DNAAF5: variants seen among roughly 807,000 people sequenced by gnomAD.
The protein encoded by DNAAF5 is HEAT repeat containing 2.
Under a neutral mutation model 75.8 loss-of-function variants are expected in DNAAF5, and 64 were observed. That is an observed-to-expected ratio of 0.84 (90% CI 0.69 to 1.04). The LOEUF (loss-of-function observed/expected upper bound fraction) is 1.04, where lower values mean the gene tolerates loss of function less well. Ranked by LOEUF, DNAAF5 falls within the 50% of genes least tolerant of loss-of-function variation. The pLI, the probability that DNAAF5 is intolerant of heterozygous loss-of-function variation, is 0.00. For missense variants in DNAAF5, 1,269 were observed against 1,178.5 expected, an observed-to-expected ratio of 1.08 and a Z score of -1.12; for synonymous variants, 657 against 557.2, an observed-to-expected ratio of 1.18 and a Z score of -2.52.
At chr7:755,010 C>T (rs1015238682) in intron 5 of DNAAF5, among the ~76,000 whole-genome samples, 189 bp downstream of exon 5, 16 of 152,206 alleles carry the variant, frequency 1.1e-4, no homozygotes, top group Non-Finnish European at 1.5e-5. Flanking sequence ...TAGGTAACAG[C>T]GTGTTGAGGG....
intron 8 of DNAAF5, among the ~76,000 whole-genome samples, chr7:764,999 T>C (rs931876097): frequency 6.6e-6 from 1 of 152,196 alleles, no homozygotes; most frequent in Non-Finnish European, 1.5e-5. Context: ...TGTGCGCCTG[T>C]GGCCCCAGCT....
Position 763,796 on chromosome 7 carries a change from T to C in DNAAF5, c.1615-10T>C. 4 of 1,612,878 alleles carry C rather than the reference T, an allele frequency of 2.5e-6. No individual in the cohort carries two copies. The highest frequency in any genetic ancestry group is 3.4e-6 in the Non-Finnish European group (4 of 1,179,846). ...TGGAATTGTCTCAGTCTCTGACTTG[T>C]AACCTCCAGGCACAGGAGACGATGG... is the stretch of plus-strand genomic sequence containing the variant. On this transcript the variant is annotated splice_polypyrimidine_tract_variant and intron_variant, in intron 7 of 12. Transcript: ENST00000297440.
In DNAAF5 at chr7:727,065, G is replaced by C; in HGVS notation, c.345G>C (p.Pro115=). 5 of 1,057,258 alleles carry C rather than the reference G, an allele frequency of 4.7e-6. No homozygotes were observed. The highest frequency in any genetic ancestry group is 5.7e-6 in the Non-Finnish European group (5 of 878,936). 65.5% of individuals were successfully genotyped at this position (1,057,258 alleles called of 1,614,324 possible). ...CCGCGCGGCCCCGCGATGCCCTGCC[G>C]CGCCTGCTGCCCGCGCTCGCCGCGC... ...RRAARPRDAL[P]RLLPALAARL... The change falls in exon 1 of 13, where the codon CCG becomes CCC. Residue 115 remains proline, a synonymous_variant. Coordinates refer to ENST00000297440, the MANE Select transcript of DNAAF5 (RefSeq NM_017802.4).
chr7:748,294 G>C (rs1782181800), intron 4 of DNAAF5, among the ~76,000 whole-genome samples: 1 of 149,206 alleles, frequency 6.7e-6, no homozygotes, highest in Non-Finnish European at 1.5e-5. Flanking sequence ...GGTGTTGGTG[G>C]GGTTTGCTGG....
At chr7:748,666 G>A (rs1003433749) in intron 4 of DNAAF5, among the ~76,000 whole-genome samples, 1 of 151,926 alleles carries the variant, frequency 6.6e-6, no homozygotes, top group African/African-American at 2.4e-5. Context: ...CCTTCTCCTC[G>A]GTGGACTCGG....
At position 735,001 on chromosome 7, in the gene DNAAF5, T is replaced by C. The variant is rs1184531762; in HGVS notation, c.780+5154T>C. Among the ~76,000 whole-genome samples, 3 of 152,124 alleles carry C rather than the reference T, an allele frequency of 2.0e-5. No individual in the cohort carries two copies. The East Asian group carries it at 5.8e-4, about 29-fold the overall frequency. Reference sequence around the variant, plus strand: ...GCTCACAGTGTCGCTGCTCACGATGTCATTGCTCACGGTGTAGTTCATGGT... The same window carrying C: ...GCTCACAGTGTCGCTGCTCACGATGCCATTGCTCACGGTGTAGTTCATGGT... On this transcript the variant is annotated intron_variant, in intron 2 of 12. Coordinates refer to ENST00000297440, the MANE Select transcript of DNAAF5 (RefSeq NM_017802.4).
chr7:749,470 A>T (rs1782221466), intron 4 of DNAAF5, among the ~76,000 whole-genome samples: 1 of 152,176 alleles, frequency 6.6e-6, no homozygotes, highest in African/African-American at 2.4e-5. Flanking sequence ...CTGCCACGTG[A>T]CAGCCTTCCC....
intron 2 of DNAAF5, among the ~76,000 whole-genome samples, chr7:733,005 CA>C (rs1781632881): frequency 6.6e-6 from 1 of 152,190 alleles, no homozygotes; most frequent in African/African-American, 2.4e-5. Context: ...TATGGAGTTC[CA>C]GTTTTCCCAG....
chr7:785,283 C>A (rs4236275), intron 12 of DNAAF5, among the ~76,000 whole-genome samples: 2 of 148,548 alleles, frequency 1.3e-5, no homozygotes, highest in Admixed American at 1.3e-4. Context: ...TCACTCGTAT[C>A]CACATTGTGA....
chr7:755,902 A>T (rs1782465109), intron 5 of DNAAF5, among the ~76,000 whole-genome samples: 1 of 152,232 alleles, frequency 6.6e-6, no homozygotes, highest in African/African-American at 2.4e-5. Flanking sequence ...TGAGGCTGAG[A>T]GGACGAGAGA....
intron 5 of DNAAF5, among the ~76,000 whole-genome samples, chr7:755,577 C>A (rs1782454572): frequency 6.6e-6 from 1 of 152,190 alleles, no homozygotes; most frequent in Non-Finnish European, 1.5e-5. Context: ...GTCCAGGTCA[C>A]TGTTACTAGC....
At chr7:770,873 G>T (rs750053682) in intron 9 of DNAAF5, 2 of 430,484 alleles carry the variant, frequency 4.6e-6, no homozygotes, top group Non-Finnish European at 8.6e-6. Context: ...TCTGGGTGAG[G>T]GTTCCCCACA....
chr7:736,872 C>A (rs1044273439), intron 2 of DNAAF5, among the ~76,000 whole-genome samples: 1 of 151,618 alleles, frequency 6.6e-6, no homozygotes, highest in Non-Finnish European at 1.5e-5. Flanking sequence ...TCTGTTGTGG[C>A]GTTTTTTATT....
At chr7:762,010 AC>A in intron 7 of DNAAF5, 114 bp downstream of exon 7, 3 of 72,936 alleles carry the variant, frequency 4.1e-5, no homozygotes, top group Non-Finnish European at 6.3e-5. Context: ...ACCAGCAAAG[AC>A]CAGGGATTGA....
At chr7:749,793 T>G (rs896104843) in intron 4 of DNAAF5, among the ~76,000 whole-genome samples, 1 of 152,094 alleles carries the variant, frequency 6.6e-6, no homozygotes, top group Admixed American at 6.5e-5. Flanking sequence ...CCTCCCAGAT[T>G]CAGGCAACTA....
Position 785,497 on chromosome 7 carries a change from G to A in DNAAF5, c.2432-20G>A, listed in dbSNP as rs780308709. The A allele has an allele frequency of 1.9e-6, 3 of 1,611,024 alleles. No individual in the cohort carries two copies. Among genetic ancestry groups the A allele is most frequent in the Non-Finnish European group, 2.5e-6 (3 of 1,177,648 alleles). ...TCATGTTTGTTTCTGGCATGTTCAA[G>A]GTGTTTTTCTGTTTTACAGAGGTCC... On this transcript the variant is annotated intron_variant, in intron 12 of 12. Transcript: ENST00000297440.
At chr7:761,387 C>T (rs1194436497) in intron 6 of DNAAF5, among the ~76,000 whole-genome samples, 1 of 152,188 alleles carries the variant, frequency 6.6e-6, no homozygotes, top group African/African-American at 2.4e-5. Flanking sequence ...TCTCATGTCG[C>T]TAATAAAGAT....
chr7:773,958 C>A, intron 9 of DNAAF5, 90 bp from the exon 10 acceptor site: 1 of 1,460,280 alleles, frequency 6.8e-7, no homozygotes. Flanking sequence ...CTGTTTGGCT[C>A]CCCCCTCAGC....
intron 4 of DNAAF5, among the ~76,000 whole-genome samples, chr7:752,395 C>T (rs1255253495): frequency 6.8e-6 from 1 of 147,768 alleles, no homozygotes; most frequent in East Asian, 2.0e-4. Flanking sequence ...GGCCACGCTT[C>T]CCTGGGTGCA....
Sources: allele counts gnomAD v4.1 joint callset (sites outside exome capture counted in the v4.1 genomes callset), GRCh38; gene constraint gnomAD v4.1.1; transcripts MANE v1.5; gene names NCBI Gene and HGNC (gene_info 2026-07-23, HGNC 2026-07-21).